Variants in PARD3B observed in about 807,000 individuals in gnomAD.
PARD3B encodes partitioning defective 3 homolog B.
Under a neutral mutation model 130.2 loss-of-function variants are expected in PARD3B, and 103 were observed. That is an observed-to-expected ratio of 0.79 (90% CI 0.67 to 0.93). The LOEUF (loss-of-function observed/expected upper bound fraction) is 0.93. PARD3B is among the 40% of genes least tolerant of loss of function. PARD3B has a pLI of 0.00. For synonymous variants in PARD3B, 583 were observed against 553.2 expected (o/e 1.05, Z -0.76); for missense variants, 1,609 against 1,499.2 (o/e 1.07, Z -1.21).
In PARD3B at chr2:204,938,837, C is replaced by T. The variant is rs75007501; in HGVS notation, c.223-26315C>T. On this transcript the variant is annotated intron_variant, in intron 2 of 22. Coordinates refer to ENST00000406610, the MANE Select transcript of PARD3B (RefSeq NM_001302769.2). ...TGATGTCTGCTGACCAGTGTATACC[C>T]GTAGCCCAGTGTAGTGCCTTGGAGA... is the stretch of plus-strand genomic sequence containing the variant. 1.7e-3 allele frequency among the ~76,000 whole-genome samples: 256 copies of T among 152,240 alleles called. 6 individuals are homozygous for T. The East Asian group carries it at 0.038, about 23-fold the overall frequency.
intron 2 of PARD3B, among the ~76,000 whole-genome samples, chr2:204,834,386 A>G (rs2043952650): frequency 6.6e-6 from 1 of 152,190 alleles, no homozygotes; most frequent in Admixed American, 6.5e-5. Context: ...ATCACTGGAA[A>G]TAGAAGTAAT....
rs1032108967 is a variant in PARD3B at position 205,274,333 on chromosome 2, G to A, written c.2186-26197G>A. 6.6e-6 allele frequency among the ~76,000 whole-genome samples: 1 copy of A among 151,954 alleles called. No individual in the cohort carries two copies. Among genetic ancestry groups the A allele is most frequent in the Admixed American group, 6.6e-5 (1 of 15,258 alleles). Reference sequence around the variant, plus strand: ...TACTTGAAACTTAGAAAATTTGCAAGAATAATCAGCTGATTTCATTCCTGA... The same window carrying A: ...TACTTGAAACTTAGAAAATTTGCAAAAATAATCAGCTGATTTCATTCCTGA... On this transcript the variant is annotated intron_variant, in intron 16 of 22. Coordinates refer to ENST00000406610, the MANE Select transcript of PARD3B (RefSeq NM_001302769.2). This position sits in a 1 kb window ranked among gnomAD's most constrained non-coding sequence, Gnocchi z 4.2.
intron 7 of PARD3B, among the ~76,000 whole-genome samples, chr2:205,120,298 T>C (rs1322324616): frequency 1.3e-5 from 2 of 152,118 alleles, no homozygotes; most frequent in Non-Finnish European, 2.9e-5. Context: ...AAATTTAGTA[T>C]AGAGTTAGTA....
chr2:205,339,006 A>G (rs2043419223), intron 18 of PARD3B, among the ~76,000 whole-genome samples: 2 of 152,210 alleles, frequency 1.3e-5, no homozygotes, highest in East Asian at 1.9e-4. Flanking sequence ...GGATAGGCAT[A>G]TATCTCTGGT....
intron 2 of PARD3B, among the ~76,000 whole-genome samples, chr2:204,809,832 C>G (rs1214103088): frequency 1.3e-5 from 2 of 152,064 alleles, no homozygotes; most frequent in Admixed American, 6.6e-5. Context: ...TTGCTTTGGG[C>G]ACTATGGCCA....
chr2:205,559,746 G>A (rs936798291), intron 22 of PARD3B, among the ~76,000 whole-genome samples: 3 of 151,714 alleles, frequency 2.0e-5, no homozygotes, highest in Non-Finnish European at 2.9e-5. Context: ...TTACAGGCAC[G>A]CACCACCATG....
chr2:205,043,978 C>T (rs1698571742), intron 3 of PARD3B, among the ~76,000 whole-genome samples: 1 of 146,674 alleles, frequency 6.8e-6, no homozygotes. Context: ...CACCACAGTC[C>T]CCAGAGTGTG....
chr2:204,712,017 T>C (rs950460067), intron 2 of PARD3B, among the ~76,000 whole-genome samples: 1 of 152,004 alleles, frequency 6.6e-6, no homozygotes, highest in African/African-American at 2.4e-5. Context: ...ACCAAATCTC[T>C]AAACTTTTGT....
At position 205,244,775 on chromosome 2, in the gene PARD3B, C is replaced by A. The variant is rs1052049758; in HGVS notation, c.2141-1003C>A. On this transcript the variant is annotated intron_variant, in intron 15 of 22. Transcript: ENST00000406610. This position sits in a 1 kb window ranked among gnomAD's most constrained non-coding sequence, Gnocchi z 4.7. ...TCTTTTAAAAACGAATCCGTTTCAT[C>A]AGAGCTCCATTAATCTAGAGTTAGT... Among the ~76,000 whole-genome samples the A allele has an allele frequency of 6.6e-6, 1 of 152,078 alleles. No homozygotes were observed. The highest frequency in any genetic ancestry group is 1.9e-4 in the East Asian group (1 of 5,192).
chr2:205,086,210 A>C (rs1435250566), intron 4 of PARD3B, among the ~76,000 whole-genome samples: 1 of 152,228 alleles, frequency 6.6e-6, no homozygotes, highest in Non-Finnish European at 1.5e-5. Context: ...GAAGCCTTCA[A>C]CAAGCCCTAC....
In PARD3B at chr2:205,110,047, A is replaced by G. The variant is rs545568493; in HGVS notation, c.594-3444A>G. On this transcript the variant is annotated intron_variant, in intron 5 of 22. Coordinates refer to ENST00000406610, the MANE Select transcript of PARD3B (RefSeq NM_001302769.2). The stretch of plus-strand genomic sequence containing the variant: ...ATAATTTACTCAGACTCCTGACTCA[A>G]AAGTTACCACTGGGATACACTTTCT... 5.3e-4 allele frequency among the ~76,000 whole-genome samples: 80 copies of G among 152,270 alleles called. No individual in the cohort carries two copies. The Middle Eastern group carries it at 0.014, about 26-fold the overall frequency.
At chr2:205,002,646 C>T (rs1694939701) in intron 3 of PARD3B, among the ~76,000 whole-genome samples, 1 of 152,152 alleles carries the variant, frequency 6.6e-6, no homozygotes, top group Admixed American at 6.5e-5. Context: ...GCCTGCTCTT[C>T]TGCCTCCACC....
chr2:204,896,570 G>T (rs1647885323), intron 2 of PARD3B, among the ~76,000 whole-genome samples: 1 of 152,180 alleles, frequency 6.6e-6, no homozygotes, highest in Admixed American at 6.5e-5. Flanking sequence ...TTGAAAAGGT[G>T]TATATGAGTC....
At chr2:205,008,156 A>G (rs1188946493) in intron 3 of PARD3B, among the ~76,000 whole-genome samples, 1 of 152,142 alleles carries the variant, frequency 6.6e-6, no homozygotes, top group Non-Finnish European at 1.5e-5. Context: ...TTGGTTCCAC[A>G]TTTGGTGCAT....
chr2:205,265,684 GA>G lies in PARD3B; in HGVS notation c.2185+19863del, dbSNP rs2040476250. Among the ~76,000 whole-genome samples, 1 of 151,930 alleles carries G rather than the reference GA, an allele frequency of 6.6e-6. No homozygotes were observed. Among genetic ancestry groups the G allele is most frequent in the African/African-American group, 2.4e-5 (1 of 41,414 alleles). On this transcript the variant is annotated intron_variant, in intron 16 of 22. Coordinates refer to ENST00000406610, the MANE Select transcript of PARD3B (RefSeq NM_001302769.2). This position sits in a 1 kb window ranked among gnomAD's most constrained non-coding sequence, Gnocchi z 4.3. ...ATAGGAAAACATTAGTAACAAGAGA[GA>G]TATCTTAATTTTTAAATTAATATTC...
chr2:204,626,237 A>T (rs1044863061), intron 1 of PARD3B, among the ~76,000 whole-genome samples: 1 of 152,162 alleles, frequency 6.6e-6, no homozygotes, highest in Non-Finnish European at 1.5e-5. Context: ...CCAACACCAC[A>T]TTACATGTTT....
rs1285150711 is a variant in PARD3B, at chr2:204,890,823, A to G, written c.223-74329A>G. Among the ~76,000 whole-genome samples the G allele has an allele frequency of 2.0e-5, 3 of 152,160 alleles. No individual in the cohort carries two copies. Among genetic ancestry groups the G allele is most frequent in the African/African-American group, 7.2e-5 (3 of 41,442 alleles). ...GATAGCACGTTTCACTGCAGCTACT[A>G]CAGCATCTTTGCTGTCTGGAGGGTA... On this transcript the variant is annotated intron_variant, in intron 2 of 22. Transcript: ENST00000406610. The surrounding 1 kb of genome is among the most constrained non-coding windows in gnomAD (Gnocchi z 4.9).
At chr2:204,930,059 T>A (rs1308735200) in intron 2 of PARD3B, among the ~76,000 whole-genome samples, 2 of 152,076 alleles carry the variant, frequency 1.3e-5, no homozygotes, top group Non-Finnish European at 2.9e-5. Context: ...ATCTTCTTGA[T>A]TCTCTGGGAC....
At chr2:205,551,723 A>C (rs775833271) in intron 21 of PARD3B, among the ~76,000 whole-genome samples, 7 of 152,136 alleles carry the variant, frequency 4.6e-5, no homozygotes, top group Non-Finnish European at 7.4e-5. Context: ...CAGTCTGCAC[A>C]AGCTGGGATG....
Sources: allele counts gnomAD v4.1 joint callset (sites outside exome capture counted in the v4.1 genomes callset), GRCh38; gene constraint gnomAD v4.1.1; non-coding constraint Gnocchi (gnomAD v3.1); transcripts MANE v1.5; gene names NCBI Gene and HGNC (gene_info 2026-07-23, HGNC 2026-07-21).